SULF2: variants seen among roughly 807,000 people sequenced by gnomAD.
SULF2 encodes extracellular sulfatase Sulf-2.
Under a neutral mutation model 107.7 loss-of-function variants are expected in SULF2, and 52 were observed. The ratio of observed to expected loss-of-function variants is 0.48; its 90% confidence interval spans 0.39 to 0.61. The LOEUF (loss-of-function observed/expected upper bound fraction) is 0.61, where lower values mean the gene tolerates loss of function less well. SULF2 is among the 20% of genes least tolerant of loss of function. The pLI, the probability that SULF2 is intolerant of heterozygous loss-of-function variation, is 0.00. For synonymous variants in SULF2, 460 were observed against 464.3 expected, an observed-to-expected ratio of 0.99 and a Z score of 0.12; for missense variants, 993 against 1,177.3, an observed-to-expected ratio of 0.84 and a Z score of 2.29.
intron 1 of SULF2, among the ~76,000 whole-genome samples, chr20:47,779,566 A>C (rs990476485): frequency 3.3e-5 from 5 of 152,086 alleles, no homozygotes; most frequent in African/African-American, 1.2e-4. Flanking sequence ...CACAAATCAT[A>C]TCATTCTCTG....
At chr20:47,727,868 A>ACC (rs1479356240) in intron 3 of SULF2, among the ~76,000 whole-genome samples, 3 of 152,210 alleles carry the variant, frequency 2.0e-5, no homozygotes, top group Non-Finnish European at 2.9e-5. Context: ...CAAGTGCTTC[A>ACC]CTTATTTTGA....
At chr20:47,689,139 C>T (rs2088112151) in intron 5 of SULF2, among the ~76,000 whole-genome samples, 1 of 152,116 alleles carries the variant, frequency 6.6e-6, no homozygotes, top group Non-Finnish European at 1.5e-5. Flanking sequence ...AGGTAAGTTA[C>T]CTTACCTCTC....
chr20:47,668,861 CCTCT>C (rs2146426199), intron 11 of SULF2, among the ~76,000 whole-genome samples: 1 of 152,292 alleles, frequency 6.6e-6, no homozygotes, highest in East Asian at 1.9e-4. Flanking sequence ...ACACCGGTCA[CCTCT>C]CTGTGACTGG....
At chr20:47,659,621 G>A in intron 19 of SULF2, 76 bp downstream of exon 19, 1 of 1,420,338 alleles carries the variant, frequency 7.0e-7, no homozygotes, top group South Asian at 1.2e-5. Context: ...AACAGGTGCA[G>A]ACTCACAGAG....
In SULF2 at chr20:47,678,980, C is replaced by T. The variant is rs2087737482; in HGVS notation, c.1065-176G>A. Among the ~76,000 whole-genome samples, 1 of 151,654 alleles carries T rather than the reference C, an allele frequency of 6.6e-6. No individual in the cohort carries two copies. The highest frequency in any genetic ancestry group is 1.9e-4 in the East Asian group (1 of 5,160). On this transcript the variant is annotated intron_variant, in intron 7 of 20. Coordinates refer to ENST00000688720, the MANE Select transcript of SULF2 (RefSeq NM_001387048.1). This position sits in a 1 kb window ranked among gnomAD's most constrained non-coding sequence, Gnocchi z 4.5. ...GCTCCCCTCTGCGGCCCAGATTCAG[C>T]TGAACCCCCACTCTGTGCTCGCCCC...
rs1442082685 is a variant in SULF2, at chr20:47,694,238, G to A, written c.568-3943C>T. The stretch of plus-strand genomic sequence containing the variant: ...CAGGAGGCCTGGGCCAGGGTGGCGG[G>A]GGCAGCATCCAGCGATGCTCAGGGG... On this transcript the variant is annotated intron_variant, in intron 4 of 20. Coordinates refer to ENST00000688720, the MANE Select transcript of SULF2 (RefSeq NM_001387048.1). The surrounding 1 kb of genome is among the most constrained non-coding windows in gnomAD (Gnocchi z 4.4). Among the ~76,000 whole-genome samples the A allele has an allele frequency of 1.4e-4, 22 of 152,138 alleles. No individual in the cohort carries two copies. The highest frequency in any genetic ancestry group is 1.4e-3 in the Admixed American group (21 of 15,284).
chr20:47,715,705 C>T (rs2089096101), intron 3 of SULF2, among the ~76,000 whole-genome samples: 1 of 151,998 alleles, frequency 6.6e-6, no homozygotes, highest in Non-Finnish European at 1.5e-5. Context: ...CCTCAGCCTC[C>T]CGACTGGCTG....
chr20:47,712,805 G>C (rs968198710), intron 3 of SULF2, among the ~76,000 whole-genome samples: 1 of 152,176 alleles, frequency 6.6e-6, no homozygotes, highest in African/African-American at 2.4e-5. Context: ...AGGCCAAGAT[G>C]GGCAGATTGC....
intron 3 of SULF2, among the ~76,000 whole-genome samples, chr20:47,717,322 G>T (rs564536565): frequency 6.6e-6 from 1 of 152,184 alleles, no homozygotes; most frequent in South Asian, 2.1e-4. Context: ...CCTTTTCACC[G>T]AACATCCCAC....
chr20:47,736,262 A>T (rs1223179670), intron 3 of SULF2, among the ~76,000 whole-genome samples: 1 of 152,148 alleles, frequency 6.6e-6, no homozygotes, highest in Non-Finnish European at 1.5e-5. Flanking sequence ...CCACGTAGAA[A>T]GCGACCACAC....
chr20:47,664,816 GA>G (rs1439560780), intron 14 of SULF2, among the ~76,000 whole-genome samples: 2 of 152,260 alleles, frequency 1.3e-5, no homozygotes, highest in Non-Finnish European at 2.9e-5. Flanking sequence ...CGTCAGCACA[GA>G]ATGTTCTATT....
intron 10 of SULF2, among the ~76,000 whole-genome samples, chr20:47,675,961 G>T (rs1044960108): frequency 6.6e-6 from 1 of 152,132 alleles, no homozygotes; most frequent in African/African-American, 2.4e-5. Context: ...TCCAACACGT[G>T]GGCTCAAGCC....
chr20:47,687,230 G>A (rs1031367970), intron 5 of SULF2, among the ~76,000 whole-genome samples: 1 of 152,124 alleles, frequency 6.6e-6, no homozygotes, highest in African/African-American at 2.4e-5. Flanking sequence ...AGGACACTGA[G>A]GCCAGAAGGC....
chr20:47,664,939 G>A (rs1003166952), intron 14 of SULF2, among the ~76,000 whole-genome samples: 1 of 152,236 alleles, frequency 6.6e-6, no homozygotes, highest in Admixed American at 6.5e-5. Flanking sequence ...GCACTTTTCC[G>A]GCCTGGAGCC....
At chr20:47,713,803 A>C (rs1483441629) in intron 3 of SULF2, among the ~76,000 whole-genome samples, 2 of 152,132 alleles carry the variant, frequency 1.3e-5, no homozygotes, top group African/African-American at 4.8e-5. Flanking sequence ...AAGAACTGTG[A>C]GTTCCCAAAA....
chr20:47,734,444 T>C (rs1026438900), intron 3 of SULF2, among the ~76,000 whole-genome samples: 7 of 152,264 alleles, frequency 4.6e-5, no homozygotes, highest in East Asian at 3.8e-4. Flanking sequence ...GAATTCATTA[T>C]AGATTTTTGT....
At chr20:47,662,992 C>T in intron 17 of SULF2, 78 bp downstream of exon 17, 1 of 1,531,230 alleles carries the variant, frequency 6.5e-7, no homozygotes. Flanking sequence ...GTCATCACTT[C>T]CCTGAGGTTG....
At position 47,665,940 on chromosome 20, in the gene SULF2, C is replaced by G; in HGVS notation, c.1819G>C (p.Glu607Gln). 1 of 1,614,118 alleles carries G rather than the reference C, an allele frequency of 6.2e-7. No individual in the cohort carries two copies. Reference sequence around the variant, plus strand: ...AGGTCACACTGGACTGTGTCGTTCTCTAGGATGTAGCACCTGCTTGAGAGA... The same window carrying G: ...AGGTCACACTGGACTGTGTCGTTCTGTAGGATGTAGCACCTGCTTGAGAGA... Reference protein sequence around the residue: ...IKVTHRCYILENDTVQCDLDL... With the variant: ...IKVTHRCYILQNDTVQCDLDL... The change falls in exon 13 of 21, where the codon GAG (glutamate) becomes CAG (glutamine). Residue 607 changes from glutamate (E) to glutamine (Q), a missense_variant. This residue lies in a region of SULF2 where 497 missense variants were observed against 544.1 expected (regional missense o/e 0.91). Coordinates refer to ENST00000688720, the MANE Select transcript of SULF2 (RefSeq NM_001387048.1).
At chr20:47,758,113 T>A (rs2090336388) in intron 1 of SULF2, among the ~76,000 whole-genome samples, 1 of 151,552 alleles carries the variant, frequency 6.6e-6, no homozygotes, top group South Asian at 2.1e-4. Context: ...TGGGGATGCG[T>A]GTGAAAGCCC....
Sources: allele counts gnomAD v4.1 joint callset (sites outside exome capture counted in the v4.1 genomes callset), GRCh38; gene constraint gnomAD v4.1.1; regional missense constraint gnomAD v4.1.1; non-coding constraint Gnocchi (gnomAD v3.1); transcripts MANE v1.5; gene names NCBI Gene and HGNC (gene_info 2026-07-23, HGNC 2026-07-21).